Variants in NTRK1 observed in about 807,000 individuals in gnomAD.
NTRK1 encodes neurotrophic receptor tyrosine kinase 1.
A neutral mutation model predicts 86.8 loss-of-function variants in NTRK1; 62 were observed. The observed-to-expected ratio is 0.71, with a 90% CI of 0.58 to 0.88. The LOEUF (loss-of-function observed/expected upper bound fraction) is 0.88. Ranked by LOEUF, NTRK1 falls within the 40% of genes least tolerant of loss-of-function variation. The pLI is 0.00. For synonymous variants in NTRK1, 469 were observed against 456.6 expected, an observed-to-expected ratio of 1.03 and a Z score of -0.35; for missense variants, 967 against 1,078.4, an observed-to-expected ratio of 0.90 and a Z score of 1.45.
intron 1 of NTRK1, among the ~76,000 whole-genome samples, chr1:156,862,790 AG>A (rs1655736961): frequency 6.6e-6 from 1 of 152,084 alleles, no homozygotes; most frequent in South Asian, 2.1e-4. Context: ...GGGTCCCTAC[AG>A]CTTGAAACCC....
intron 1 of NTRK1, among the ~76,000 whole-genome samples, chr1:156,831,094 G>A (rs1571646053): frequency 6.6e-6 from 1 of 152,182 alleles, no homozygotes; most frequent in Non-Finnish European, 1.5e-5. Flanking sequence ...CTCCTCAAGG[G>A]GCTTACGTCC....
intron 2 of NTRK1, chr1:156,851,475 G>A (rs1291109660): frequency 3.1e-6 from 5 of 1,613,038 alleles, no homozygotes; most frequent in Non-Finnish European, 4.2e-6. Context: ...AGCAAGGAAG[G>A]TGATGGGTCT....
Position 156,854,620 on chromosome 1 carries a change from C to A in NTRK1, c.51-9734C>A, listed in dbSNP as rs1655346246. On this transcript the variant is annotated intron_variant, in intron 2 of 16. Transcript: ENST00000392302. The surrounding 1 kb of genome is among the most constrained non-coding windows in gnomAD (Gnocchi z 4.2). The stretch of plus-strand genomic sequence containing the variant: ...GACTGCAAGCGACTCCCAGCGACTT[C>A]ATTCTTGCAGTCACCCTTAACACCT... Among the ~76,000 whole-genome samples the A allele has an allele frequency of 6.6e-6, 1 of 152,242 alleles. No homozygotes were observed. The highest frequency in any genetic ancestry group is 2.4e-5 in the African/African-American group (1 of 41,472).
intron 9 of NTRK1, 33 bp from the exon 10 acceptor site, chr1:156,874,538 A>G: frequency 1.2e-6 from 2 of 1,612,754 alleles, no homozygotes; most frequent in Non-Finnish European, 1.7e-6. Flanking sequence ...AGTGTGTGTC[A>G]AGGCTCACCC....
chr1:156,819,646 A>G (rs1349691124), intron 1 of NTRK1, among the ~76,000 whole-genome samples: 1 of 151,690 alleles, frequency 6.6e-6, no homozygotes, highest in Non-Finnish European at 1.5e-5. Flanking sequence ...CAGCTTCCTG[A>G]GTAGCTGGGA....
At chr1:156,842,604 C>T in intron 2 of NTRK1, 13 of 853,566 alleles carry the variant, frequency 1.5e-5, no homozygotes, top group Non-Finnish European at 2.3e-5. Context: ...ACTCAGACAC[C>T]AAACCTGACC....
intron 13 of NTRK1, 48 bp downstream of exon 13, chr1:156,876,258 G>A (rs1647898761): frequency 1.2e-6 from 2 of 1,612,926 alleles, no homozygotes. Context: ...CCCACCCCCA[G>A]GAGCTCCATC....
chr1:156,847,001 G>T (rs1295807308), intron 2 of NTRK1, among the ~76,000 whole-genome samples: 1 of 152,140 alleles, frequency 6.6e-6, no homozygotes. Flanking sequence ...TCAAGTTCTA[G>T]TTTCAATGAA....
chr1:156,841,501 A>G (rs781207074), intron 1 of NTRK1: 2 of 1,613,992 alleles, frequency 1.2e-6, no homozygotes, highest in Non-Finnish European at 1.7e-6. Context: ...CCAGGGTCAC[A>G]ATCTCCCAGA....
chr1:156,876,336 C>T (rs1647905947), intron 13 of NTRK1, 64 bp from the exon 14 acceptor site: 2 of 1,610,644 alleles, frequency 1.2e-6, no homozygotes, highest in Admixed American at 3.3e-5. Flanking sequence ...GGCGGGCTGC[C>T]CTGGGTGAAC....
intron 7 of NTRK1, 71 bp downstream of exon 7, chr1:156,871,826 TG>T (rs2102900689): frequency 2.5e-6 from 4 of 1,601,842 alleles, no homozygotes; most frequent in Non-Finnish European, 2.6e-6. Context: ...GGATGTAGGG[TG>T]GGGGGCTGGA....
chr1:156,849,561 G>A (rs970118064), intron 2 of NTRK1: 6 of 824,422 alleles, frequency 7.3e-6, no homozygotes, highest in South Asian at 3.2e-5. Flanking sequence ...TGCTGGGCCC[G>A]GGGAGAGGGG....
chr1:156,851,250 G>C, intron 2 of NTRK1: 1 of 1,611,238 alleles, frequency 6.2e-7, no homozygotes, highest in Non-Finnish European at 8.5e-7. Context: ...TTGGAGGAAG[G>C]AGTGTAATAG....
At chr1:156,869,571 T>C (rs1647427190) in intron 6 of NTRK1, among the ~76,000 whole-genome samples, 1 of 152,174 alleles carries the variant, frequency 6.6e-6, no homozygotes, top group Non-Finnish European at 1.5e-5. Flanking sequence ...ACTAATTAAT[T>C]CTGGGAATGA....
intron 2 of NTRK1, chr1:156,849,565 A>T: frequency 5.0e-6 from 4 of 799,958 alleles, no homozygotes; most frequent in Non-Finnish European, 8.1e-6. Context: ...GGGCCCGGGG[A>T]GAGGGGCACT....
intron 2 of NTRK1, 39 bp downstream of exon 2, chr1:156,864,467 G>A: frequency 6.3e-7 from 1 of 1,598,936 alleles, no homozygotes; most frequent in Non-Finnish European, 8.6e-7. Context: ...AGCTCAGCAT[G>A]GGCCTGGGGG....
intron 6 of NTRK1, among the ~76,000 whole-genome samples, chr1:156,870,390 A>AC (rs1241789446): frequency 6.6e-6 from 1 of 152,150 alleles, no homozygotes; most frequent in Non-Finnish European, 1.5e-5. Context: ...TCTTAAAAAA[A>AC]ATTGCACCCT....
At chr1:156,829,863 G>T (rs1183246157) in intron 1 of NTRK1, among the ~76,000 whole-genome samples, 2 of 152,208 alleles carry the variant, frequency 1.3e-5, no homozygotes, top group East Asian at 3.8e-4. Context: ...ACGTTGGCCA[G>T]GCTGGTCTTG....
chr1:156,860,563 C>G (rs1178382902), upstream of NTRK1, among the ~76,000 whole-genome samples: 1 of 152,232 alleles, frequency 6.6e-6, no homozygotes, highest in Non-Finnish European at 1.5e-5. Flanking sequence ...TCCCTCCTCC[C>G]CAAATGTAAA....
Sources: gnomAD v4.1 joint callset for allele counts (sites outside exome capture counted in the v4.1 genomes callset) on GRCh38, gnomAD v4.1.1 for gene constraint, Gnocchi (gnomAD v3.1) non-coding constraint, MANE v1.5 for transcripts, NCBI Gene and HGNC (gene_info 2026-07-23, HGNC 2026-07-21) for gene names.